Variants in MUC17 observed in about 807,000 individuals in gnomAD.
MUC17 encodes the protein mucin-17.
In MUC17, 190 loss-of-function variants were observed where a neutral mutation model predicts 170.3. The ratio of observed to expected loss-of-function variants is 1.12; its 90% CI spans 0.99 to 1.26. The LOEUF (loss-of-function observed/expected upper bound fraction) is 1.26, where lower values mean the gene tolerates loss of function less well. Among genes scored for constraint, MUC17 ranks in the 50% most tolerant of loss-of-function variants. MUC17 has a pLI of 0.00. For missense variants in MUC17, 6,415 were observed against 5,530.0 expected (o/e 1.16, Z -5.08); for synonymous variants, 2,325 against 2,002.5 (o/e 1.16, Z -4.30).
chr7:101,043,498 C>T lies in MUC17; in HGVS notation c.12082C>T (p.Leu4028Phe). The change falls in exon 3 of 13, where the codon CTT becomes TTT. Residue 4028 changes from leucine to phenylalanine, a missense_variant. Leu to Phe is a conservative substitution (Grantham distance 22). Transcript: ENST00000306151. ...AGGCTGCACTACTTCTGCATCAACG[C>T]TTTCTGCAACCAGTACACCTCACAC... ...SRGCTTSASTLSATSTPHTST... is the reference protein window; with the variant it reads ...SRGCTTSASTFSATSTPHTST... 1 of 1,614,234 alleles carries T rather than the reference C, an allele frequency of 6.2e-7. No homozygotes were observed. Among genetic ancestry groups the T allele is most frequent in the Non-Finnish European group, 8.5e-7 (1 of 1,180,042 alleles).
chr7:101,053,008 T>C lies in MUC17; in HGVS notation c.13126T>C (p.Trp4376Arg), dbSNP rs774601295. 5.6e-6 allele frequency: 9 copies of C among 1,613,758 alleles called. No individual in the cohort carries two copies. In the African/African-American group the frequency reaches 1.1e-4, roughly 19 times the overall value. Residue 4376 changes from tryptophan (W) to arginine (R), a missense_variant, in exon 10 of 13, where the codon TGG becomes CGG. By Grantham distance (101) the Trp-to-Arg change is moderately radical (BLOSUM62 -3). Transcript: ENST00000306151. ...CAGCTGCGTGACCACGGAAACTCAC[T>C]GGTACAGTGGGGAGACCTGTAACCA... is the stretch of plus-strand genomic sequence containing the variant. ...QCLCVTTETH[W>R]YSGETCNQGT...
At position 101,031,965 on chromosome 7, in the gene MUC17, T is replaced by C; in HGVS notation, c.549T>C (p.Asp183=). Residue 183 remains aspartate (D), a synonymous_variant, in exon 3 of 13, where the codon GAT becomes GAC. Coordinates refer to ENST00000306151, the MANE Select transcript of MUC17 (RefSeq NM_001040105.2). ...EAYTSLTYKV[D]MSTPLTTSTQ... is the part of the protein sequence containing the mutation. ...ACACATCTTTAACATATAAGGTTGA[T>C]ATGAGCACACCTCTGACCACTTCTA... 4 of 1,614,150 alleles carry C rather than the reference T, an allele frequency of 2.5e-6. No homozygotes were observed. The highest frequency in any genetic ancestry group is 2.2e-5 in the South Asian group (2 of 91,088).
intron 5 of MUC17, 49 bp from the exon 6 acceptor site, chr7:101,049,275 A>C: frequency 1.2e-6 from 2 of 1,613,072 alleles, no homozygotes; most frequent in East Asian, 4.5e-5. Context: ...GTCCCACAGA[A>C]CGGCCCCGTG....
At position 101,036,857 on chromosome 7, in the gene MUC17, C is replaced by T; in HGVS notation, c.5441C>T (p.Pro1814Leu). 6.2e-7 allele frequency: 1 copy of T among 1,608,462 alleles called. No homozygotes were observed. The change falls in exon 3 of 13, where the codon CCT (proline) becomes CTT (leucine). Residue 1814 changes from proline to leucine, a missense_variant. Pro to Leu is a moderately conservative substitution (Grantham distance 98). Coordinates refer to ENST00000306151, the MANE Select transcript of MUC17 (RefSeq NM_001040105.2). The part of the protein sequence containing the change: ...SEGMTPLTST[P>L]VSHTLVANSE... ...GGAATGACTCCATTAACAAGCACAC[C>T]TGTCAGCCACACGCTGGTGGCCAAT...
intron 9 of MUC17, 65 bp from the exon 10 acceptor site, chr7:101,052,921 C>A: frequency 5.1e-6 from 8 of 1,559,804 alleles, no homozygotes; most frequent in Non-Finnish European, 6.9e-6. Flanking sequence ...TGGGCAGGGC[C>A]CAGGTCTGAA....
rs538207288 is a variant in MUC17, at chr7:101,038,842, C to G, written c.7426C>G (p.Leu2476Val). ...TPVVSSEAGT[L>V]STTPVDTSTP... is the part of the protein sequence containing the mutation. The stretch of plus-strand genomic sequence containing the variant: ...GGTGGTCAGTTCTGAGGCTGGCACC[C>G]TTTCCACAACTCCTGTTGACACCAG... The change falls in exon 3 of 13, where the codon CTT becomes GTT. Residue 2476 changes from leucine (L) to valine (V), a missense_variant. Physicochemically the swap from Leu to Val is conservative, Grantham distance 32. Coordinates refer to ENST00000306151, the MANE Select transcript of MUC17 (RefSeq NM_001040105.2). 8.1e-6 allele frequency: 13 copies of G among 1,612,878 alleles called. No homozygotes were observed. The highest frequency in any genetic ancestry group is 7.7e-5 in the South Asian group (7 of 90,908).
In MUC17 at chr7:101,050,649, T is replaced by C. The variant is rs1039478283; in HGVS notation, c.12874+14T>C. Reference sequence around the variant, plus strand: ...ATATTTGCTCAGGTGAACTCTGGGCTTCCAGGGAGGGAAGGGAGAAGGCAT... The same window carrying C: ...ATATTTGCTCAGGTGAACTCTGGGCCTCCAGGGAGGGAAGGGAGAAGGCAT... On this transcript the variant is annotated intron_variant, in intron 7 of 12. Coordinates refer to ENST00000306151, the MANE Select transcript of MUC17 (RefSeq NM_001040105.2). 4 of 1,611,666 alleles carry C rather than the reference T, an allele frequency of 2.5e-6. No homozygotes were observed. Among genetic ancestry groups the C allele is most frequent in the South Asian group, 1.1e-5 (1 of 90,716 alleles).
intron 1 of MUC17, among the ~76,000 whole-genome samples, chr7:101,025,519 C>T (rs567831506): frequency 1.3e-5 from 2 of 149,664 alleles, no homozygotes; most frequent in Non-Finnish European, 3.0e-5. Context: ...AGGCCAAGCA[C>T]AGTGGCTCAC....
chr7:101,022,388 A>G (rs1268169099), intron 1 of MUC17, among the ~76,000 whole-genome samples: 2 of 152,130 alleles, frequency 1.3e-5, no homozygotes, highest in African/African-American at 2.4e-5. Flanking sequence ...GGTGGTCTTG[A>G]ACTCGGAATC....
chr7:101,046,725 C>T (rs1446638086), intron 3 of MUC17, among the ~76,000 whole-genome samples: 1 of 152,054 alleles, frequency 6.6e-6, no homozygotes, highest in African/African-American at 2.4e-5. Flanking sequence ...CTGTAGTGAG[C>T]TATGATTGCA....
rs760282872 is a variant in MUC17 at position 101,039,798 on chromosome 7, T to C, written c.8382T>C (p.Thr2794=). Residue 2794 remains threonine (T), a synonymous_variant, in exon 3 of 13, where the codon ACT becomes ACC. Transcript: ENST00000306151. ...CTGAAGCCAGTTCCTCTCCTACAAC[T>C]GCTGAAGTTACCAGCATGCCAACCT... is the stretch of plus-strand genomic sequence containing the variant. The part of the protein sequence containing the change: ...TSTEASSSPT[T]AEVTSMPTST... The C allele has an allele frequency of 2.2e-5, 36 of 1,608,954 alleles. 2 individuals carry two copies. Among genetic ancestry groups the C allele is most frequent in the Admixed American group, 5.0e-5 (3 of 59,618 alleles).
At chr7:101,051,042 T>C (rs546497392) in intron 7 of MUC17, among the ~76,000 whole-genome samples, 1 of 152,142 alleles carries the variant, frequency 6.6e-6, no homozygotes, top group Admixed American at 6.6e-5. Context: ...GGGGTTCATC[T>C]AAGTGTGTGG....
chr7:101,030,461 G>T (rs1222339156), intron 1 of MUC17, among the ~76,000 whole-genome samples: 1 of 152,128 alleles, frequency 6.6e-6, no homozygotes, highest in African/African-American at 2.4e-5. Flanking sequence ...CTGACCTCGT[G>T]ATCCACCTGC....
chr7:101,042,548 G>T lies in MUC17; in HGVS notation c.11132G>T (p.Gly3711Val), dbSNP rs1185493682. 1 of 1,611,702 alleles carries T rather than the reference G, an allele frequency of 6.2e-7. No homozygotes were observed. Among genetic ancestry groups the T allele is most frequent in the Non-Finnish European group, 8.5e-7 (1 of 1,179,160 alleles). Residue 3711 changes from glycine to valine, a missense_variant, in exon 3 of 13, where the codon GGT (glycine) becomes GTT (valine). Coordinates refer to ENST00000306151, the MANE Select transcript of MUC17 (RefSeq NM_001040105.2). ...ACCACACGTGTGACCAGCTCTGAGG[G>T]TAGCACCCTTTCAACACCTTCTGTT... ...VSTTRVTSSE[G>V]STLSTPSVVT... is the part of the protein sequence containing the mutation.
Position 101,033,521 on chromosome 7 carries a change from G to T in MUC17, c.2105G>T (p.Ser702Ile). The change falls in exon 3 of 13, where the codon AGT (serine) becomes ATT (isoleucine). Residue 702 changes from serine (S) to isoleucine (I), a missense_variant. Coordinates refer to ENST00000306151, the MANE Select transcript of MUC17 (RefSeq NM_001040105.2). ...CCTGTCAACACCACACTGGTGGCCA[G>T]TTCTGAGGCTAGCACCCTTTCAACA... is the stretch of plus-strand genomic sequence containing the variant. ...SMPVNTTLVA[S>I]SEASTLSTTP... is the part of the protein sequence containing the mutation. 6.2e-7 allele frequency: 1 copy of T among 1,613,876 alleles called. No individual in the cohort carries two copies. Among genetic ancestry groups the T allele is most frequent in the Non-Finnish European group, 8.5e-7 (1 of 1,179,928 alleles).
rs765966038 is a variant in MUC17, at chr7:101,038,743, G to A, written c.7327G>A (p.Gly2443Ser). The change falls in exon 3 of 13, where the codon GGT becomes AGT. Residue 2443 changes from glycine (G) to serine (S), a missense_variant. Physicochemically the swap from Gly to Ser is moderately conservative, Grantham distance 56 (BLOSUM62 0). Transcript: ENST00000306151. ...CAGTTCATCTCCTACAACTGCTGAA[G>A]GTACCAGCATACCAACCTCACCTCC... ...EASSSPTTAEGTSIPTSPPSE... is the reference protein window; with the variant it reads ...EASSSPTTAESTSIPTSPPSE... 13 of 1,612,810 alleles carry A rather than the reference G, an allele frequency of 8.1e-6. No homozygotes were observed. Among genetic ancestry groups the A allele is most frequent in the Non-Finnish European group, 8.5e-7 (1 of 1,179,212 alleles).
In MUC17 at chr7:101,057,697, T is replaced by G. The variant is rs145189138; in HGVS notation, c.13441-306T>G. Among the ~76,000 whole-genome samples the G allele has an allele frequency of 2.5e-3, 386 of 152,114 alleles. 1 individual carries two copies. Among genetic ancestry groups the G allele is most frequent in the African/African-American group, 8.6e-3 (357 of 41,470 alleles). ...GAGTTTGAGATCACCCTGGGCAACA[T>G]AGTGAAACCTCATCTCTACAAAAAA... On this transcript the variant is annotated intron_variant, in intron 12 of 12. Transcript: ENST00000306151.
Position 101,043,206 on chromosome 7 carries a change from A to G in MUC17, c.11790A>G (p.Thr3930=), listed in dbSNP as rs767582665. 4 of 1,614,048 alleles carry G rather than the reference A, an allele frequency of 2.5e-6. No homozygotes were observed. The African/African-American group carries it at 4.0e-5, about 16-fold the overall frequency. Reference sequence around the variant, plus strand: ...CCACCATATCTGTATCAGTGATCACAGAAGGAAGCACACCTGGGACAACCA... The same window carrying G: ...CCACCATATCTGTATCAGTGATCACGGAAGGAAGCACACCTGGGACAACCA... ...VATTISVSVI[T]EGSTPGTTIF... The change falls in exon 3 of 13, where the codon ACA becomes ACG. Residue 3930 remains threonine (T), a synonymous_variant. Coordinates refer to ENST00000306151, the MANE Select transcript of MUC17 (RefSeq NM_001040105.2).
In MUC17 at chr7:101,040,927, G is replaced by T; in HGVS notation, c.9511G>T (p.Val3171Phe). ...AAGTACTCCATTAACATATATGCCT[G>T]TCAGCACCATGCTGGTAGTCAGTTC... is the stretch of plus-strand genomic sequence containing the variant. ...EGSTPLTYMP[V>F]STMLVVSSED... The change falls in exon 3 of 13, where the codon GTC (valine) becomes TTC (phenylalanine). Residue 3171 changes from valine to phenylalanine, a missense_variant. Physicochemically the swap from Val to Phe is conservative, Grantham distance 50. Transcript: ENST00000306151. 1 of 1,613,146 alleles carries T rather than the reference G, an allele frequency of 6.2e-7. No homozygotes were observed. The highest frequency in any genetic ancestry group is 8.5e-7 in the Non-Finnish European group (1 of 1,179,872).
Sources: allele counts gnomAD v4.1 joint callset (sites outside exome capture counted in the v4.1 genomes callset), GRCh38; gene constraint gnomAD v4.1.1; transcripts MANE v1.5; gene names NCBI Gene and HGNC (gene_info 2026-07-23, HGNC 2026-07-21).